TMEM45A: variants seen among roughly 807,000 people sequenced by gnomAD.
The protein encoded by TMEM45A is transmembrane protein 45A.
A neutral mutation model predicts 32.0 loss-of-function variants in TMEM45A; 25 were observed. That is an observed-to-expected ratio of 0.78 (90% CI 0.57 to 1.09). The LOEUF (loss-of-function observed/expected upper bound fraction) is 1.09. TMEM45A is among the 50% of genes least tolerant of loss of function. The pLI, the probability that TMEM45A is intolerant of heterozygous loss-of-function variation, is 0.00. For synonymous variants in TMEM45A, 122 were observed against 114.8 expected (o/e 1.06, Z -0.40); for missense variants, 302 against 325.0 (o/e 0.93, Z 0.54).
intron 1 of TMEM45A, among the ~76,000 whole-genome samples, chr3:100,546,395 C>G (rs1025698348): frequency 2.6e-5 from 4 of 152,342 alleles, no homozygotes; most frequent in East Asian, 1.9e-4. Flanking sequence ...ACCATAGAGT[C>G]CCCTGTAACT....
chr3:100,501,736 C>G (rs576191126), intron 1 of TMEM45A, among the ~76,000 whole-genome samples: 1 of 152,090 alleles, frequency 6.6e-6, no homozygotes, highest in Non-Finnish European at 1.5e-5. Flanking sequence ...CCCTCAGTGC[C>G]GCAGTTATTT....
At chr3:100,536,220 T>C (rs1705737150) in intron 1 of TMEM45A, among the ~76,000 whole-genome samples, 1 of 152,162 alleles carries the variant, frequency 6.6e-6, no homozygotes, top group South Asian at 2.1e-4. Context: ...AGTGCCATTG[T>C]TGAGAAATTC....
intron 1 of TMEM45A, among the ~76,000 whole-genome samples, chr3:100,511,018 G>T (rs1468983692): frequency 1.3e-5 from 2 of 152,218 alleles, no homozygotes; most frequent in African/African-American, 4.8e-5. Flanking sequence ...GAAAGTGACA[G>T]GGAGAATGGA....
At chr3:100,527,857 A>G (rs1478862703) in intron 1 of TMEM45A, among the ~76,000 whole-genome samples, 1 of 152,216 alleles carries the variant, frequency 6.6e-6, no homozygotes, top group Non-Finnish European at 1.5e-5. Flanking sequence ...GTTCAAATAG[A>G]GATTTGAAAA....
intron 1 of TMEM45A, among the ~76,000 whole-genome samples, chr3:100,531,299 T>C (rs1234791837): frequency 6.6e-6 from 1 of 152,156 alleles, no homozygotes; most frequent in African/African-American, 2.4e-5. Context: ...TGCGTGAGTG[T>C]ATGTGTGTGT....
At chr3:100,499,529 C>A (rs1198854683) in intron 1 of TMEM45A, among the ~76,000 whole-genome samples, 2 of 152,200 alleles carry the variant, frequency 1.3e-5, no homozygotes, top group African/African-American at 4.8e-5. Context: ...TTCTTGACAT[C>A]ATTTTTCTAA....
chr3:100,560,798 AAATT>A (rs1306680468), intron 4 of TMEM45A, among the ~76,000 whole-genome samples: 1 of 152,228 alleles, frequency 6.6e-6, no homozygotes, highest in Non-Finnish European at 1.5e-5. Flanking sequence ...AGAATTAATG[AAATT>A]AATTAGTGTT....
intron 1 of TMEM45A, among the ~76,000 whole-genome samples, chr3:100,493,269 G>A (rs62276520): frequency 0.22 from 34,115 of 151,678 alleles, 4,209 homozygotes; most frequent in East Asian, 0.37. Context: ...AATACTGTGG[G>A]TATTTGTAAA....
chr3:100,573,232 A>G (rs973399612), intron 5 of TMEM45A: 2 of 151,640 alleles, frequency 1.3e-5, no homozygotes, highest in Admixed American at 1.3e-4. Context: ...CCTACCCATG[A>G]GCATGGAATG....
chr3:100,497,150 T>G (rs1196645424), intron 1 of TMEM45A, among the ~76,000 whole-genome samples: 3 of 152,260 alleles, frequency 2.0e-5, no homozygotes, highest in Non-Finnish European at 4.4e-5. Context: ...TCTAATGTAG[T>G]TGCTCTTTTC....
In TMEM45A at chr3:100,513,317, T is replaced by G. The variant is rs527307995; in HGVS notation, c.-4+20389T>G. On this transcript the variant is annotated intron_variant, in intron 1 of 5. Coordinates refer to ENST00000323523, the MANE Select transcript of TMEM45A (RefSeq NM_018004.3). ...TCATCCCTGGGATGCAAGGCTGGTT[T>G]GATATATGCAAATCAATAAATGTAA... 3.3e-4 allele frequency among the ~76,000 whole-genome samples: 50 copies of G among 152,282 alleles called. No individual in the cohort carries two copies. The South Asian group carries it at 3.3e-3, about 10-fold the overall frequency.
At chr3:100,512,106 G>A (rs1407257383) in intron 1 of TMEM45A, among the ~76,000 whole-genome samples, 1 of 152,284 alleles carries the variant, frequency 6.6e-6, no homozygotes, top group South Asian at 2.1e-4. Context: ...ATTGAACCCA[G>A]CTCTGCACCA....
intron 1 of TMEM45A, among the ~76,000 whole-genome samples, chr3:100,540,197 G>A (rs1249254995): frequency 2.0e-5 from 3 of 151,926 alleles, no homozygotes; most frequent in African/African-American, 4.8e-5. Flanking sequence ...GAAAAAGAAA[G>A]GTCTATGTCT....
At chr3:100,512,358 C>T (rs1708180509) in intron 1 of TMEM45A, among the ~76,000 whole-genome samples, 2 of 152,108 alleles carry the variant, frequency 1.3e-5, no homozygotes, top group Non-Finnish European at 2.9e-5. Flanking sequence ...ACTGAACAAC[C>T]TGCTCCTGAA....
intron 1 of TMEM45A, among the ~76,000 whole-genome samples, chr3:100,503,771 T>C (rs1414695724): frequency 1.3e-5 from 2 of 152,178 alleles, no homozygotes; most frequent in African/African-American, 2.4e-5. Flanking sequence ...TTTACCCTCA[T>C]GGACAACTTG....
Position 100,558,434 on chromosome 3 carries a change from C to G in TMEM45A, c.433C>G (p.Arg145Gly). 1.2e-6 allele frequency: 2 copies of G among 1,613,754 alleles called. No homozygotes were observed. The highest frequency in any genetic ancestry group is 1.7e-6 in the Non-Finnish European group (2 of 1,180,002). The part of the protein sequence containing the change: ...AFIFYNHTHG[R>G]EMLDIFVHQL... The stretch of plus-strand genomic sequence containing the variant: ...TATCTTCTACAACCACACTCATGGC[C>G]GGGAAATGCTGGACATCTTTGTGCA... Residue 145 changes from arginine to glycine, a missense_variant, in exon 4 of 6, where the codon CGG (arginine) becomes GGG (glycine). Coordinates refer to ENST00000323523, the MANE Select transcript of TMEM45A (RefSeq NM_018004.3).
At chr3:100,565,945 G>GC (rs1553685320) in intron 4 of TMEM45A, among the ~76,000 whole-genome samples, 2 of 152,098 alleles carry the variant, frequency 1.3e-5, no homozygotes, top group Non-Finnish European at 1.5e-5. Context: ...TCTCCTCCTA[G>GC]CCCCCGGTAC....
At chr3:100,519,620 G>A (rs367823187) in intron 1 of TMEM45A, 249 of 1,550,636 alleles carry the variant, frequency 1.6e-4, no homozygotes, top group South Asian at 5.0e-4. Flanking sequence ...TTAGTTTGGC[G>A]TTTCTGCAGT....
chr3:100,515,472 C>A (rs1364844235), intron 1 of TMEM45A, among the ~76,000 whole-genome samples: 3 of 107,428 alleles, frequency 2.8e-5, no homozygotes, highest in African/African-American at 1.1e-4. Flanking sequence ...ACTCTGGGGA[C>A]TGTTATGGGG....
Sources: allele counts gnomAD v4.1 joint callset (sites outside exome capture counted in the v4.1 genomes callset), GRCh38; gene constraint gnomAD v4.1.1; transcripts MANE v1.5; gene names NCBI Gene and HGNC (gene_info 2026-07-23, HGNC 2026-07-21).